The following ARHGAP4 variants were observed in gnomAD, a reference collection of about 807,000 sequenced individuals.
ARHGAP4 encodes rho GTPase-activating protein 4.
A neutral mutation model predicts 67.6 loss-of-function variants in ARHGAP4; 25 were observed. The observed-to-expected ratio is 0.37, with a 90% CI of 0.27 to 0.52. The LOEUF is 0.52. Among genes scored for constraint, ARHGAP4 ranks in the 20% least tolerant of loss-of-function variants. The pLI, the probability that ARHGAP4 is intolerant of heterozygous loss-of-function variation, is 0.92. For missense variants in ARHGAP4, 804 were observed against 854.6 expected, an observed-to-expected ratio of 0.94 and a Z score of 0.74; for synonymous variants, 448 against 373.7, an observed-to-expected ratio of 1.20 and a Z score of -2.29.
chrX:153,924,386 C>G (rs781991167), intron 1 of ARHGAP4, among the ~76,000 whole-genome samples: 3 of 112,098 alleles, frequency 2.7e-5, no homozygotes, highest in Non-Finnish European at 5.6e-5. Flanking sequence ...GGTGGCTTTC[C>G]TGGCAGAGCT....
rs2065008119 is a variant in ARHGAP4, at chrX:153,910,186, G to A, written c.2141C>T (p.Ser714Phe). The A allele has an allele frequency of 8.3e-7, 1 of 1,210,046 alleles. No individual in the cohort carries two copies. Among genetic ancestry groups the A allele is most frequent in the African/African-American group, 1.7e-5 (1 of 57,445 alleles). ...AAGGGTGTACCCCAGGCAGCTGGCG[G>A]AAGGCGGTGCCATGCACTTCTCGTA... ...PVYEKCMAPPSASCLGDAQLE... is the reference protein window; with the variant it reads ...PVYEKCMAPPFASCLGDAQLE... Residue 714 changes from serine (S) to phenylalanine (F), a missense_variant, in exon 17 of 22, where the codon TCC (serine) becomes TTC (phenylalanine). Physicochemically the swap from Ser to Phe is radical, Grantham distance 155. Transcript: ENST00000350060.
At chrX:153,921,555 G>A (rs1557105329) in intron 2 of ARHGAP4, 28 bp from the exon 3 acceptor site, 1 of 1,200,631 alleles carries the variant, frequency 8.3e-7, no homozygotes, top group South Asian at 1.8e-5. Flanking sequence ...CTGAGACCTG[G>A]GAGCGGAGCT....
At chrX:153,914,084 C>G in intron 7 of ARHGAP4, 3 of 430,584 alleles carry the variant, frequency 7.0e-6, no homozygotes, top group Non-Finnish European at 4.1e-6. Flanking sequence ...GGCGGCACCA[C>G]TCATCCAACT....
intron 1 of ARHGAP4, among the ~76,000 whole-genome samples, chrX:153,925,901 G>A (rs1291532763): frequency 8.8e-6 from 1 of 113,095 alleles, no homozygotes; most frequent in Non-Finnish European, 1.9e-5. Context: ...TAGACCCAAG[G>A]AGGACAGAGA....
intron 5 of ARHGAP4, chrX:153,919,735 C>A (rs1557104871): frequency 9.3e-7 from 1 of 1,079,153 alleles, no homozygotes; most frequent in South Asian, 2.6e-5. Flanking sequence ...CATCAAGAGC[C>A]ATGAAACAGA....
chrX:153,910,782 G>A lies in ARHGAP4; in HGVS notation c.1734C>T (p.Ala578=), dbSNP rs782105302. Residue 578 remains alanine (A), a synonymous_variant, in exon 15 of 22, where the codon GCC becomes GCT. Transcript: ENST00000350060. ...GCTAHDLDSV[A]GVLKLYFRSL... is the part of the protein sequence containing the mutation. ...TCCGGAAGTAGAGCTTCAGCACCCC[G>A]GCCACCGAGTCCAGGTCATGGGCAG... 14 of 1,190,765 alleles carry A rather than the reference G, an allele frequency of 1.2e-5. No individual in the cohort carries two copies. The highest frequency in any genetic ancestry group is 9.1e-5 in the East Asian group (3 of 33,131).
chrX:153,920,704 G>A lies in ARHGAP4; in HGVS notation c.603C>T (p.Pro201=), dbSNP rs1386254510. ...QEEKRAGRSV[P]TTTAGATEAG... ...CCTCAGTGGCACCAGCGGTGGTGGT[G>A]GGGACACTCCGGCCTGCCCGCTTCT... Residue 201 remains proline (P), a synonymous_variant, in exon 5 of 22, where the codon CCC becomes CCT. Coordinates refer to ENST00000350060, the MANE Select transcript of ARHGAP4 (RefSeq NM_001666.5). 4.1e-6 allele frequency: 5 copies of A among 1,210,735 alleles called. No homozygotes were observed. Among genetic ancestry groups the A allele is most frequent in the Non-Finnish European group, 5.6e-6 (5 of 895,367 alleles).
chrX:153,924,460 C>T (rs2065114901), intron 1 of ARHGAP4, among the ~76,000 whole-genome samples: 1 of 111,903 alleles, frequency 8.9e-6, no homozygotes, highest in Admixed American at 9.4e-5. Context: ...TAAACTAGGG[C>T]TGGCCCTCTT....
Position 153,907,496 on chromosome X carries a change from T to TC in ARHGAP4, c.*232dup. 1 of 369,288 alleles carries TC rather than the reference T, an allele frequency of 2.7e-6. No homozygotes were observed. Among genetic ancestry groups the TC allele is most frequent in the Non-Finnish European group, 4.7e-6 (1 of 214,161 alleles). 30.4% of individuals were successfully genotyped at this position (369,288 alleles called of 1,213,427 possible). A position where few individuals can be genotyped will look rare whatever the true frequency, so the allele number is the denominator to read the frequency against. On this transcript the variant is annotated 3_prime_UTR_variant, in exon 22 of 22. Coordinates refer to ENST00000350060, the MANE Select transcript of ARHGAP4 (RefSeq NM_001666.5). Reference sequence around the variant, plus strand: ...TCCACAAAGCTGCAGAAGAGGGCTTTCCCCAGCATCCTTCCTCAGCTGCCT... The same window carrying TC: ...TCCACAAAGCTGCAGAAGAGGGCTTTCCCCCAGCATCCTTCCTCAGCTGCCT...
intron 7 of ARHGAP4, among the ~76,000 whole-genome samples, chrX:153,918,368 C>A (rs372060237): frequency 2.7e-5 from 3 of 111,545 alleles, no homozygotes; most frequent in Non-Finnish European, 5.7e-5. Flanking sequence ...GCAGCTGTGA[C>A]GCCATCGGAA....
In ARHGAP4 at chrX:153,911,007, A is replaced by C; in HGVS notation, c.1604-8T>G. On this transcript the variant is annotated splice_polypyrimidine_tract_variant and splice_region_variant and intron_variant, in intron 13 of 21. Coordinates refer to ENST00000350060, the MANE Select transcript of ARHGAP4 (RefSeq NM_001666.5). Reference sequence around the variant, plus strand: ...TGCCTTCATGCTGCAGGCCTGTGGGAGGACAAGGAGCTGGTGGGCACTGAG... The same window carrying C: ...TGCCTTCATGCTGCAGGCCTGTGGGCGGACAAGGAGCTGGTGGGCACTGAG... 5.2e-6 allele frequency: 6 copies of C among 1,152,187 alleles called. No individual in the cohort carries two copies. Among genetic ancestry groups the C allele is most frequent in the Non-Finnish European group, 6.9e-6 (6 of 865,478 alleles). The allele number at this position is 1,152,187 out of a possible 1,213,427, so 95.0% of individuals were successfully genotyped here.
In ARHGAP4 at chrX:153,921,150, G is replaced by C. The variant is rs781972157; in HGVS notation, c.445C>G (p.Leu149Val). 11 of 1,201,698 alleles carry C rather than the reference G, an allele frequency of 9.2e-6. No individual in the cohort carries two copies. The highest frequency in any genetic ancestry group is 1.2e-5 in the Non-Finnish European group (11 of 890,010). ...VGRLVKKSRDLEQQLQDELLE... is the reference protein window; with the variant it reads ...VGRLVKKSRDVEQQLQDELLE... ...AGCTCATCCTGCAGCTGCTGCTCCA[G>C]ATCCCTGCTCTAGAGGCAGAGGCAA... Residue 149 changes from leucine to valine, a missense_variant, in exon 4 of 22, where the codon CTG (leucine) becomes GTG (valine). This residue lies in a region of ARHGAP4 where 404 missense variants were observed against 505.9 expected (regional missense o/e 0.80). Transcript: ENST00000350060.
chrX:153,909,057 C>A lies in ARHGAP4; in HGVS notation c.2607+13G>T, dbSNP rs782774727. The A allele has an allele frequency of 8.3e-7, 1 of 1,206,301 alleles. No individual in the cohort carries two copies. ...GGACAGATGTCCCTCACCTGCCACACACCCACTCTCACCTTATCCACCTCC... is the reference window on the plus strand; with the variant it reads ...GGACAGATGTCCCTCACCTGCCACAAACCCACTCTCACCTTATCCACCTCC... On this transcript the variant is annotated intron_variant, in intron 21 of 21. Transcript: ENST00000350060.
chrX:153,909,309 G>T, intron 20 of ARHGAP4, 134 bp downstream of exon 20: 1 of 873,523 alleles, frequency 1.1e-6, no homozygotes, highest in Non-Finnish European at 1.6e-6. Context: ...GCCTCTCCCT[G>T]TCACAAGCTG....
At position 153,921,709 on chromosome X, in the gene ARHGAP4, G is replaced by A. The variant is rs377321582; in HGVS notation, c.168C>T (p.Arg56=). 187 of 1,203,602 alleles carry A rather than the reference G, an allele frequency of 1.6e-4. 1 individual carries two copies. In the East Asian group the frequency reaches 1.7e-3, roughly 11 times the overall value. The change falls in exon 2 of 22, where the codon CGC becomes CGT. Residue 56 remains arginine (R), a synonymous_variant. Transcript: ENST00000350060. ...GGGAGTATTCCAGCTCCACCTCAGC[G>A]CGGCGCCGCATGAACTCTGCCAGCT... ...LQELAEFMRR[R]AEVELEYSRG...
At chrX:153,916,218 CTCTT>C (rs1464324636) in intron 7 of ARHGAP4, among the ~76,000 whole-genome samples, 1 of 113,021 alleles carries the variant, frequency 8.8e-6, no homozygotes, top group Non-Finnish European at 1.9e-5. Context: ...CCATCACTGT[CTCTT>C]TCTAGATAAG....
intron 1 of ARHGAP4, among the ~76,000 whole-genome samples, chrX:153,925,778 C>G (rs1415272185): frequency 3.5e-5 from 4 of 112,712 alleles, no homozygotes; most frequent in African/African-American, 6.5e-5. Context: ...CCCAATCAAG[C>G]TGGTTGACTT....
chrX:153,915,183 C>T (rs782388490), intron 7 of ARHGAP4, among the ~76,000 whole-genome samples: 16 of 95,425 alleles, frequency 1.7e-4, no homozygotes, highest in South Asian at 6.0e-4. Flanking sequence ...AAAGGAGAGC[C>T]GTGAACTCTG....
chrX:153,907,896 G>C lies in ARHGAP4; in HGVS notation c.2674C>G (p.Leu892Val). 3.8e-6 allele frequency: 4 copies of C among 1,059,533 alleles called. No individual in the cohort carries two copies. The highest frequency in any genetic ancestry group is 4.9e-6 in the Non-Finnish European group (4 of 816,366). The allele number at this position is 1,059,533 out of a possible 1,213,427, so 87.3% of individuals were successfully genotyped here. Reference protein sequence around the residue: ...LLGKTSVRQGLGPASTTSPSP... With the variant: ...LLGKTSVRQGVGPASTTSPSP... ...GGAGAGGTGGTAGATGCTGGCCCAA[G>C]GCCCTGGCGGACAGAGGTCTTTCCC... Residue 892 changes from leucine to valine, a missense_variant, in exon 22 of 22, where the codon CTT becomes GTT. By Grantham distance (32) the Leu-to-Val change is conservative. Coordinates refer to ENST00000350060, the MANE Select transcript of ARHGAP4 (RefSeq NM_001666.5).
Sources: gnomAD v4.1 joint callset for allele counts (sites outside exome capture counted in the v4.1 genomes callset) on GRCh38, gnomAD v4.1.1 for gene constraint, gnomAD v4.1.1 regional missense constraint, MANE v1.5 for transcripts, NCBI Gene and HGNC (gene_info 2026-07-23, HGNC 2026-07-21) for gene names.